The following CNTNAP5 variants were observed in gnomAD, a reference collection of about 807,000 sequenced individuals.
The protein encoded by CNTNAP5 is contactin associated protein family member 5, also known as contactin-associated protein-like 5.
Under a neutral mutation model 150.2 loss-of-function variants are expected in CNTNAP5, and 72 were observed. That is an observed-to-expected ratio of 0.48 (90% confidence interval 0.40 to 0.58). The LOEUF (loss-of-function observed/expected upper bound fraction) is 0.58. CNTNAP5 is among the 20% of genes least tolerant of loss of function. The probability of loss-of-function intolerance (pLI) is 0.00; values close to 1 mark genes in which losing one functional copy is unlikely to be tolerated. For synonymous variants in CNTNAP5, 672 were observed against 619.8 expected (o/e 1.08, Z -1.25); for missense variants, 1,636 against 1,626.2 (o/e 1.01, Z -0.10).
intron 19 of CNTNAP5, among the ~76,000 whole-genome samples, chr2:124,830,781 A>G (rs1338587774): frequency 2.0e-5 from 3 of 152,026 alleles, no homozygotes; most frequent in African/African-American, 4.8e-5. Flanking sequence ...TGGAGAAAAA[A>G]AGTTACAAGA....
intron 1 of CNTNAP5, among the ~76,000 whole-genome samples, chr2:124,110,369 T>C (rs1683267484): frequency 6.6e-6 from 1 of 152,158 alleles, no homozygotes; most frequent in South Asian, 2.1e-4. Context: ...CACATGCATA[T>C]ATTTTGGCTG....
intron 3 of CNTNAP5, among the ~76,000 whole-genome samples, chr2:124,257,190 A>G (rs1345306008): frequency 6.6e-6 from 1 of 152,218 alleles, no homozygotes; most frequent in Non-Finnish European, 1.5e-5. Context: ...ATGAAAGAAT[A>G]ATTTTCTTTT....
At chr2:124,503,061 T>C (rs2104861847) in intron 7 of CNTNAP5, among the ~76,000 whole-genome samples, 1 of 152,322 alleles carries the variant, frequency 6.6e-6, no homozygotes, top group East Asian at 1.9e-4. Flanking sequence ...CTGTGGGTGA[T>C]TGCTTGACGG....
At chr2:124,300,394 G>A (rs559453448) in intron 3 of CNTNAP5, among the ~76,000 whole-genome samples, 3 of 152,322 alleles carry the variant, frequency 2.0e-5, no homozygotes, top group South Asian at 4.2e-4. Flanking sequence ...TGAGTCTATA[G>A]GAAGGATCTG....
Position 124,527,442 on chromosome 2 carries a change from T to C in CNTNAP5, c.1635T>C (p.Cys545=). The change falls in exon 10 of 24, where the codon TGT becomes TGC. Residue 545 remains cysteine, a synonymous_variant. Transcript: ENST00000682447. ...GNFSDLHIDL[C]SIKDRCLPNY... Reference sequence around the variant, plus strand: ...TTAGTGATTTACACATTGATCTGTGTAGCATCAAAGACAGGTAATTATTGT... The same window carrying C: ...TTAGTGATTTACACATTGATCTGTGCAGCATCAAAGACAGGTAATTATTGT... 2 of 1,612,886 alleles carry C rather than the reference T, an allele frequency of 1.2e-6. No homozygotes were observed. The highest frequency in any genetic ancestry group is 8.5e-7 in the Non-Finnish European group (1 of 1,179,188).
intron 7 of CNTNAP5, among the ~76,000 whole-genome samples, chr2:124,503,790 C>T (rs1694332781): frequency 6.6e-6 from 1 of 152,156 alleles, no homozygotes; most frequent in African/African-American, 2.4e-5. Context: ...TTTCTTCAAG[C>T]CTTTGCTGAA....
At chr2:124,341,640 A>C (rs938629982) in intron 3 of CNTNAP5, among the ~76,000 whole-genome samples, 1 of 152,194 alleles carries the variant, frequency 6.6e-6, no homozygotes, top group Non-Finnish European at 1.5e-5. Context: ...TGGCATTTCT[A>C]AATCAGAAGA....
At chr2:124,810,976 C>T (rs1220476803) in intron 19 of CNTNAP5, among the ~76,000 whole-genome samples, 5 of 152,100 alleles carry the variant, frequency 3.3e-5, no homozygotes, top group Non-Finnish European at 7.4e-5. Flanking sequence ...GAAACCAAAT[C>T]TATAGGCGTA....
chr2:124,746,642 C>T (rs935365757), intron 13 of CNTNAP5, among the ~76,000 whole-genome samples: 6 of 152,212 alleles, frequency 3.9e-5, no homozygotes, highest in African/African-American at 1.4e-4. Flanking sequence ...CCCTCTTACA[C>T]AGCCAACCTC....
At chr2:124,384,272 G>A (rs751913362) in intron 3 of CNTNAP5, among the ~76,000 whole-genome samples, 4 of 151,968 alleles carry the variant, frequency 2.6e-5, no homozygotes, top group African/African-American at 7.3e-5. Context: ...CAGTTCACAC[G>A]GTCACATTGC....
chr2:124,113,341 CT>C (rs1683343907), intron 1 of CNTNAP5, among the ~76,000 whole-genome samples: 1 of 151,990 alleles, frequency 6.6e-6, no homozygotes, highest in Non-Finnish European at 1.5e-5. Context: ...ATATGTCTCA[CT>C]CAAAAAGAAA....
chr2:124,702,374 TTTTTTTTTTTTTTTTTTTTTTTG>T (rs1679541917), intron 13 of CNTNAP5, among the ~76,000 whole-genome samples: 3 of 75,616 alleles, frequency 4.0e-5, no homozygotes, highest in Admixed American at 1.2e-4. Context: ...TTTTTTTTTT[TTTTTTTTTTTTTTTTTTTTTTTG>T]CTAGTGAAGA....
chr2:124,338,843 T>A (rs1689538961), intron 3 of CNTNAP5, among the ~76,000 whole-genome samples: 1 of 152,128 alleles, frequency 6.6e-6, no homozygotes, highest in African/African-American at 2.4e-5. Context: ...TATTTTTCAC[T>A]GAGGTCCAAC....
At chr2:124,818,594 C>G (rs370237716) in intron 19 of CNTNAP5, among the ~76,000 whole-genome samples, 1 of 152,248 alleles carries the variant, frequency 6.6e-6, no homozygotes, top group East Asian at 1.9e-4. Context: ...AGCTTCAAGA[C>G]AAATTCTGAA....
intron 13 of CNTNAP5, among the ~76,000 whole-genome samples, chr2:124,739,026 A>G (rs1425133142): frequency 6.6e-6 from 1 of 152,192 alleles, no homozygotes; most frequent in East Asian, 1.9e-4. Context: ...TTGTCTAACC[A>G]TGAAGGATCC....
chr2:124,498,722 G>T (rs1012165717), intron 7 of CNTNAP5, among the ~76,000 whole-genome samples: 1 of 152,074 alleles, frequency 6.6e-6, no homozygotes, highest in Admixed American at 6.5e-5. Flanking sequence ...GAATTATTAG[G>T]GAAGAGGCCT....
chr2:124,070,396 G>GA (rs70996039), intron 1 of CNTNAP5, among the ~76,000 whole-genome samples: 16,467 of 72,590 alleles, frequency 0.23, 1,638 homozygotes, highest in East Asian at 0.36. Flanking sequence ...GCTGAATGGG[G>GA]AAAAAAAAAA....
intron 22 of CNTNAP5, among the ~76,000 whole-genome samples, chr2:124,903,310 A>C (rs2104760215): frequency 6.6e-6 from 1 of 152,294 alleles, no homozygotes; most frequent in African/African-American, 2.4e-5. Flanking sequence ...AATTAAAACT[A>C]AATGCATAGT....
At chr2:124,736,684 C>G (rs543765969) in intron 13 of CNTNAP5, among the ~76,000 whole-genome samples, 15 of 152,224 alleles carry the variant, frequency 9.9e-5, no homozygotes, top group Middle Eastern at 3.4e-3. Context: ...TCAATGATAA[C>G]CTAAAATGGC....
Sources: gnomAD v4.1 joint callset for allele counts (sites outside exome capture counted in the v4.1 genomes callset) on GRCh38, gnomAD v4.1.1 for gene constraint, MANE v1.5 for transcripts, NCBI Gene and HGNC (gene_info 2026-07-23, HGNC 2026-07-21) for gene names.